Variants in SPOCK3 observed in about 807,000 individuals in gnomAD.
SPOCK3 encodes the protein testican-3.
A neutral mutation model predicts 56.6 loss-of-function variants in SPOCK3; 30 were observed. The ratio of observed to expected loss-of-function variants is 0.53; its 90% CI spans 0.40 to 0.72. The LOEUF is 0.72. SPOCK3 is among the 30% of genes least tolerant of loss of function. The pLI, the probability that SPOCK3 is intolerant of heterozygous loss-of-function variation, is 0.00. For synonymous variants in SPOCK3, 196 were observed against 183.3 expected (o/e 1.07, Z -0.56); for missense variants, 527 against 530.0 (o/e 0.99, Z 0.06).
chr4:167,083,061 G>C (rs531794114), intron 2 of SPOCK3, among the ~76,000 whole-genome samples: 1 of 151,978 alleles, frequency 6.6e-6, no homozygotes, highest in Non-Finnish European at 1.5e-5. Flanking sequence ...AGACAACGTC[G>C]TTGTAAAAAC....
intron 6 of SPOCK3, among the ~76,000 whole-genome samples, chr4:166,847,123 A>G (rs1378138382): frequency 6.6e-6 from 1 of 152,132 alleles, no homozygotes; most frequent in East Asian, 1.9e-4. Context: ...TTTACATCAA[A>G]ATGGAAGACT....
chr4:166,853,752 C>T (rs751058806), intron 6 of SPOCK3, among the ~76,000 whole-genome samples: 10 of 151,898 alleles, frequency 6.6e-5, no homozygotes, highest in African/African-American at 1.2e-4. Flanking sequence ...CATGGTGGCA[C>T]GTGCCTGTAA....
chr4:166,847,266 G>A (rs1748152254), intron 6 of SPOCK3, among the ~76,000 whole-genome samples: 1 of 151,982 alleles, frequency 6.6e-6, no homozygotes, highest in African/African-American at 2.4e-5. Flanking sequence ...AGCAACTTTG[G>A]AGATTCCTTT....
At chr4:166,907,184 G>T (rs1736719698) in intron 5 of SPOCK3, among the ~76,000 whole-genome samples, 1 of 152,010 alleles carries the variant, frequency 6.6e-6, no homozygotes. Context: ...CAAAAATCAG[G>T]CACCTGTGTC....
intron 2 of SPOCK3, among the ~76,000 whole-genome samples, chr4:167,225,108 A>T (rs1250662449): frequency 6.6e-6 from 1 of 152,234 alleles, no homozygotes; most frequent in Non-Finnish European, 1.5e-5. Flanking sequence ...TTTCCAAAAT[A>T]TACAAGCCAC....
At chr4:167,019,197 G>A (rs1229371182) in intron 3 of SPOCK3, among the ~76,000 whole-genome samples, 2 of 152,018 alleles carry the variant, frequency 1.3e-5, no homozygotes, top group Non-Finnish European at 2.9e-5. Flanking sequence ...CAACTAAGTG[G>A]TCTTGCATTT....
intron 3 of SPOCK3, among the ~76,000 whole-genome samples, chr4:167,020,928 T>G (rs1191507070): frequency 6.6e-6 from 1 of 152,042 alleles, no homozygotes; most frequent in Non-Finnish European, 1.5e-5. Flanking sequence ...ATCAGTTTCT[T>G]AGGGCCAGAA....
At chr4:167,187,739 C>A (rs559074005) in intron 2 of SPOCK3, among the ~76,000 whole-genome samples, 1 of 152,044 alleles carries the variant, frequency 6.6e-6, no homozygotes, top group South Asian at 2.1e-4. Context: ...AAATGAACTC[C>A]TTTATTATCA....
At chr4:167,038,897 T>C (rs1753002409) in intron 3 of SPOCK3, among the ~76,000 whole-genome samples, 1 of 152,152 alleles carries the variant, frequency 6.6e-6, no homozygotes, top group African/African-American at 2.4e-5. Flanking sequence ...TGTTTAGCAA[T>C]TATATAAATT....
chr4:167,146,056 C>T (rs548161457), intron 2 of SPOCK3, among the ~76,000 whole-genome samples: 6 of 152,130 alleles, frequency 3.9e-5, no homozygotes, highest in Admixed American at 3.9e-4. Flanking sequence ...GTGCTTTATT[C>T]AGGAGACCCA....
At chr4:167,105,476 A>C (rs1246928732) in intron 2 of SPOCK3, among the ~76,000 whole-genome samples, 2 of 150,632 alleles carry the variant, frequency 1.3e-5, no homozygotes, top group Non-Finnish European at 3.0e-5. Context: ...AAAAAAAAAA[A>C]AAAACGAATC....
intron 3 of SPOCK3, among the ~76,000 whole-genome samples, chr4:167,019,506 A>C (rs2150158801): frequency 6.6e-6 from 1 of 151,676 alleles, no homozygotes; most frequent in East Asian, 1.9e-4. Context: ...ATAGTATACA[A>C]TATATACATA....
chr4:167,090,056 G>C (rs983325638), intron 2 of SPOCK3, among the ~76,000 whole-genome samples: 6 of 152,056 alleles, frequency 3.9e-5, no homozygotes, highest in Non-Finnish European at 7.4e-5. Context: ...TTTCAGTATG[G>C]GGTAATTACG....
intron 2 of SPOCK3, among the ~76,000 whole-genome samples, chr4:167,168,886 T>C (rs972398493): frequency 3.3e-5 from 5 of 152,102 alleles, no homozygotes; most frequent in African/African-American, 1.2e-4. Context: ...CTTCTATGTG[T>C]AGCCTAGGGA....
rs867026548 is a variant in SPOCK3 at position 167,076,891 on chromosome 4, G to A, written c.190-14354C>T. On this transcript the variant is annotated intron_variant, in intron 2 of 10. Transcript: ENST00000357545. Reference sequence around the variant, plus strand: ...ATATTCTTTTAATAACTTAGCTTGCGATTTTTACATCCTTTTAGAAACATA... The same window carrying A: ...ATATTCTTTTAATAACTTAGCTTGCAATTTTTACATCCTTTTAGAAACATA... Among the ~76,000 whole-genome samples the A allele has an allele frequency of 4.6e-5, 7 of 151,836 alleles. No individual in the cohort carries two copies. The South Asian group carries it at 6.2e-4, about 13-fold the overall frequency.
intron 2 of SPOCK3, among the ~76,000 whole-genome samples, chr4:167,210,084 T>C (rs1339316393): frequency 6.6e-6 from 1 of 152,192 alleles, no homozygotes; most frequent in African/African-American, 2.4e-5. Flanking sequence ...GTTTTGGAAA[T>C]AACTTCAGAT....
At chr4:167,180,564 G>A (rs1358927474) in intron 2 of SPOCK3, among the ~76,000 whole-genome samples, 1 of 152,104 alleles carries the variant, frequency 6.6e-6, no homozygotes, top group Non-Finnish European at 1.5e-5. Context: ...GAAATACTGA[G>A]GTCTATAAGG....
At chr4:166,985,015 T>G (rs1372796135) in intron 4 of SPOCK3, among the ~76,000 whole-genome samples, 2 of 152,010 alleles carry the variant, frequency 1.3e-5, no homozygotes, top group African/African-American at 4.8e-5. Flanking sequence ...GCCCCAGAAG[T>G]GTCTACATTT....
intron 4 of SPOCK3, among the ~76,000 whole-genome samples, chr4:166,929,681 T>G (rs1388908984): frequency 2.6e-5 from 4 of 152,166 alleles, no homozygotes; most frequent in Non-Finnish European, 4.4e-5. Context: ...TGGGAGGTGT[T>G]GCTTCATTTA....
Sources: allele counts gnomAD v4.1 joint callset (sites outside exome capture counted in the v4.1 genomes callset), GRCh38; gene constraint gnomAD v4.1.1; transcripts MANE v1.5; gene names NCBI Gene and HGNC (gene_info 2026-07-23, HGNC 2026-07-21).